The following UNC13C variants were observed in gnomAD, a reference collection of about 807,000 sequenced individuals.
The protein encoded by UNC13C is protein unc-13 homolog C.
UNC13C carries 174 observed loss-of-function variants against 245.4 expected under a neutral mutation model. The ratio of observed to expected loss-of-function variants is 0.71; its 90% CI spans 0.63 to 0.80. The LOEUF (loss-of-function observed/expected upper bound fraction) is 0.80, where lower values mean the gene tolerates loss of function less well. UNC13C is among the 30% of genes least tolerant of loss of function. UNC13C has a pLI of 0.00. For synonymous variants in UNC13C, 992 were observed against 895.1 expected, an observed-to-expected ratio of 1.11 and a Z score of -1.93; for missense variants, 2,829 against 2,602.9, an observed-to-expected ratio of 1.09 and a Z score of -1.89.
At chr15:54,069,529 A>G (rs1240812734) in intron 2 of UNC13C, among the ~76,000 whole-genome samples, 1 of 152,208 alleles carries the variant, frequency 6.6e-6, no homozygotes, top group African/African-American at 2.4e-5. Context: ...GCTCTCATGT[A>G]TATATTGAAA....
rs557373224 is a variant in UNC13C at position 54,493,681 on chromosome 15, C to T, written c.4934-927C>T. Among the ~76,000 whole-genome samples, 7 of 152,158 alleles carry T rather than the reference C, an allele frequency of 4.6e-5. 1 individual carries two copies. In the South Asian group the frequency reaches 1.2e-3, roughly 27 times the overall value. On this transcript the variant is annotated intron_variant, in intron 19 of 32. Transcript: ENST00000260323. ...GACTCACAGACCTCAAGCAGAATTTCTCAGAGGGCACATTCAACCTGGATA... is the reference window on the plus strand; with the variant it reads ...GACTCACAGACCTCAAGCAGAATTTTTCAGAGGGCACATTCAACCTGGATA...
intron 30 of UNC13C, among the ~76,000 whole-genome samples, chr15:54,603,937 C>T (rs1483135050): frequency 6.6e-6 from 1 of 152,046 alleles, no homozygotes. Flanking sequence ...TTCCTCCTAC[C>T]TGACTGAGTG....
chr15:53,871,330 T>A, the UNC13C span, among the ~76,000 whole-genome samples: 1 of 152,190 alleles, frequency 6.6e-6, no homozygotes, highest in Non-Finnish European at 1.5e-5. Flanking sequence ...GCCTATGTAA[T>A]ATTTTATAAC....
chr15:54,229,771 C>A (rs959668215), intron 4 of UNC13C, among the ~76,000 whole-genome samples: 1 of 152,092 alleles, frequency 6.6e-6, no homozygotes, highest in African/African-American at 2.4e-5. Context: ...ACCAATATCT[C>A]CCTAACCTCC....
At chr15:54,087,711 T>C (rs1011038531) in intron 2 of UNC13C, among the ~76,000 whole-genome samples, 1 of 152,184 alleles carries the variant, frequency 6.6e-6, no homozygotes, top group Non-Finnish European at 1.5e-5. Context: ...GCCTTGTCTA[T>C]GATGCAAAAG....
intron 2 of UNC13C, among the ~76,000 whole-genome samples, chr15:54,119,935 C>A (rs747838693): frequency 2.0e-5 from 3 of 152,028 alleles, no homozygotes; most frequent in African/African-American, 4.8e-5. Flanking sequence ...GAGGAAGCCA[C>A]AGAAGAAAAG....
intron 13 of UNC13C, among the ~76,000 whole-genome samples, chr15:54,315,415 A>G (rs2037983012): frequency 2.0e-5 from 3 of 151,212 alleles, no homozygotes; most frequent in South Asian, 2.1e-4. Context: ...TCATCCTTTT[A>G]TCAAGATTAT....
intron 19 of UNC13C, among the ~76,000 whole-genome samples, chr15:54,480,902 C>T (rs1342843788): frequency 6.6e-6 from 1 of 152,044 alleles, no homozygotes; most frequent in Non-Finnish European, 1.5e-5. Flanking sequence ...GTAAGGAAAT[C>T]AGATTAGCAG....
chr15:53,937,811 T>A, the UNC13C span, among the ~76,000 whole-genome samples: 1 of 152,150 alleles, frequency 6.6e-6, no homozygotes, highest in Admixed American at 6.5e-5. Flanking sequence ...GAGAACAATG[T>A]TCCTTTCAGA....
intron 19 of UNC13C, among the ~76,000 whole-genome samples, chr15:54,443,058 C>T (rs368551043): frequency 6.6e-6 from 1 of 151,858 alleles, no homozygotes; most frequent in East Asian, 1.9e-4. Flanking sequence ...GCTTTTCTTT[C>T]TCCACAGACT....
intron 1 of UNC13C, among the ~76,000 whole-genome samples, chr15:54,010,956 T>C (rs901081713): frequency 3.3e-5 from 5 of 152,140 alleles, no homozygotes; most frequent in African/African-American, 1.2e-4. Flanking sequence ...TAGGTGGAGA[T>C]ACTAAGTGGC....
chr15:54,139,829 T>G (rs191287845), intron 2 of UNC13C, among the ~76,000 whole-genome samples: 251 of 152,276 alleles, frequency 1.6e-3, no homozygotes, highest in African/African-American at 5.6e-3. Flanking sequence ...CCTTTAACTA[T>G]TCTATATTTA....
At chr15:54,304,417 T>G (rs1333386863) in intron 13 of UNC13C, among the ~76,000 whole-genome samples, 1 of 152,158 alleles carries the variant, frequency 6.6e-6, no homozygotes, top group East Asian at 1.9e-4. Flanking sequence ...TTTTTATATA[T>G]CACATGTTTC....
the UNC13C span, among the ~76,000 whole-genome samples, chr15:53,854,513 G>A: frequency 6.6e-6 from 1 of 152,116 alleles, no homozygotes; most frequent in African/African-American, 2.4e-5. Flanking sequence ...TTCTGCATAT[G>A]GCTAAGCAGT....
chr15:54,452,108 T>C (rs1003822932), intron 19 of UNC13C, among the ~76,000 whole-genome samples: 1 of 152,242 alleles, frequency 6.6e-6, no homozygotes, highest in African/African-American at 2.4e-5. Flanking sequence ...GAAGCTTTGC[T>C]TAGGATGGAG....
intron 29 of UNC13C, among the ~76,000 whole-genome samples, chr15:54,559,798 G>A (rs948891974): frequency 6.6e-6 from 1 of 151,932 alleles, no homozygotes; most frequent in African/African-American, 2.4e-5. Flanking sequence ...AGAAGGCATT[G>A]GCCGGCATGA....
intron 2 of UNC13C, among the ~76,000 whole-genome samples, chr15:54,129,973 A>C (rs2031308679): frequency 7.1e-6 from 1 of 141,646 alleles, no homozygotes; most frequent in Admixed American, 7.0e-5. Flanking sequence ...CTTTTTTGTT[A>C]TATTTTAAAC....
chr15:54,402,343 A>T (rs1242838701), intron 18 of UNC13C, among the ~76,000 whole-genome samples: 1 of 152,320 alleles, frequency 6.6e-6, no homozygotes, highest in African/African-American at 2.4e-5. Context: ...ATTACATTAT[A>T]TGGAAAGAAT....
chr15:54,013,520 C>T lies in UNC13C; in HGVS notation c.617C>T (p.Ser206Phe). Residue 206 changes from serine to phenylalanine, a missense_variant, in exon 2 of 33, where the codon TCC becomes TTC. Ser to Phe is a radical substitution (Grantham distance 155, BLOSUM62 -2). Coordinates refer to ENST00000260323, the MANE Select transcript of UNC13C (RefSeq NM_001080534.3). ...TCAGAGTTAAGCACCATGAAAAAAT[C>T]CTGGGGAATAAGAAGTAAGTCTTTG... Reference protein sequence around the residue: ...SDSELSTMKKSWGIRSKSLDR... With the variant: ...SDSELSTMKKFWGIRSKSLDR... The T allele has an allele frequency of 6.2e-7, 1 of 1,613,804 alleles. No individual in the cohort carries two copies. Among genetic ancestry groups the T allele is most frequent in the South Asian group, 1.1e-5 (1 of 91,076 alleles).
Sources: allele counts gnomAD v4.1 joint callset (sites outside exome capture counted in the v4.1 genomes callset), GRCh38; gene constraint gnomAD v4.1.1; transcripts MANE v1.5; gene names NCBI Gene and HGNC (gene_info 2026-07-23, HGNC 2026-07-21).